The following SLC25A26 variants were observed in gnomAD, a reference collection of about 807,000 sequenced individuals.
SLC25A26 encodes mitochondrial S-adenosylmethionine carrier protein.
A neutral mutation model predicts 37.8 loss-of-function variants in SLC25A26; 36 were observed. The ratio of observed to expected loss-of-function variants is 0.95; its 90% CI spans 0.73 to 1.26. SLC25A26 has a LOEUF of 1.26. SLC25A26 is among the 50% of genes most tolerant of loss of function. The pLI is 0.00. For missense variants in SLC25A26, 390 were observed against 331.1 expected, an observed-to-expected ratio of 1.18 and a Z score of -1.38; for synonymous variants, 129 against 122.5, an observed-to-expected ratio of 1.05 and a Z score of -0.35.
intron 1 of SLC25A26, among the ~76,000 whole-genome samples, chr3:66,134,867 G>A (rs1391831877): frequency 4.0e-5 from 6 of 148,426 alleles, no homozygotes; most frequent in Non-Finnish European, 8.9e-5. Context: ...TTTTGTTCTT[G>A]TCACCCAGGC....
chr3:66,373,980 C>T lies in SLC25A26; in HGVS notation c.707+3378C>T, dbSNP rs919146142. Among the ~76,000 whole-genome samples, 5 of 150,830 alleles carry T rather than the reference C, an allele frequency of 3.3e-5. No individual in the cohort carries two copies. The East Asian group carries it at 7.7e-4, about 23-fold the overall frequency. On this transcript the variant is annotated intron_variant, in intron 9 of 9. Coordinates refer to ENST00000354883, the MANE Select transcript of SLC25A26 (RefSeq NM_001379210.1). Reference sequence around the variant, plus strand: ...GACCGTCTTCCTGCCATGTTTCTCTCCAGGCCACCAGCTTGCTTGTCATGG... The same window carrying T: ...GACCGTCTTCCTGCCATGTTTCTCTTCAGGCCACCAGCTTGCTTGTCATGG...
chr3:66,343,909 G>C (rs570934586), intron 5 of SLC25A26, among the ~76,000 whole-genome samples: 21 of 152,298 alleles, frequency 1.4e-4, no homozygotes, highest in African/African-American at 5.1e-4. Flanking sequence ...GATAATGTCA[G>C]ATGCTTTTAT....
intron 1 of SLC25A26, among the ~76,000 whole-genome samples, chr3:66,225,803 G>A (rs996526629): frequency 7.9e-5 from 12 of 152,110 alleles, no homozygotes; most frequent in Non-Finnish European, 1.5e-4. Context: ...AGATCTCTAG[G>A]GCAGGGGCAA....
At chr3:66,292,508 C>T (rs2074747553) in intron 5 of SLC25A26, among the ~76,000 whole-genome samples, 1 of 152,138 alleles carries the variant, frequency 6.6e-6, no homozygotes, top group African/African-American at 2.4e-5. Context: ...GACAAAGTCT[C>T]TCAGCATTTG....
rs540069811 is a variant in SLC25A26 at position 66,370,609 on chromosome 3, C to T, written c.707+7C>T. 31 of 1,611,494 alleles carry T rather than the reference C, an allele frequency of 1.9e-5. No individual in the cohort carries two copies. Among genetic ancestry groups the T allele is most frequent in the South Asian group, 1.7e-4 (15 of 90,782 alleles). ...GGTCACAGGGGCTGGCAGGGTAAGA[C>T]GAGGAATGCCCTCCTTCCTTTCTTC... On this transcript the variant is annotated splice_region_variant and intron_variant, in intron 9 of 9. Coordinates refer to ENST00000354883, the MANE Select transcript of SLC25A26 (RefSeq NM_001379210.1).
At position 66,134,395 on chromosome 3, in the gene SLC25A26, C is replaced by T. The variant is rs756398835; in HGVS notation, c.-354+411C>T. Among the ~76,000 whole-genome samples the T allele has an allele frequency of 5.0e-4, 76 of 152,088 alleles. 3 individuals carry two copies. The highest frequency in any genetic ancestry group is 3.5e-4 in the Non-Finnish European group (24 of 68,020). On this transcript the variant is annotated intron_variant, in intron 1 of 10. Coordinates refer to the SLC25A26 transcript ENST00000676754. ...CTGAGGGCTTGGGTGGTATAAATGG[C>T]GAAGAGAGAATCATTGAGTTGTGTG...
intron 5 of SLC25A26, among the ~76,000 whole-genome samples, chr3:66,265,994 C>T (rs573206897): frequency 3.3e-5 from 5 of 152,148 alleles, no homozygotes; most frequent in Admixed American, 6.5e-5. Context: ...AACACATGGT[C>T]GCAACTGCTT....
chr3:66,280,659 C>T (rs2074305824), intron 5 of SLC25A26, among the ~76,000 whole-genome samples: 1 of 152,090 alleles, frequency 6.6e-6, no homozygotes, highest in African/African-American at 2.4e-5. Flanking sequence ...CATAGTAACA[C>T]CACCTTTTTC....
intron 5 of SLC25A26, among the ~76,000 whole-genome samples, chr3:66,320,134 GT>G (rs1170165416): frequency 6.6e-6 from 1 of 152,016 alleles, no homozygotes; most frequent in Middle Eastern, 3.2e-3. Flanking sequence ...AAAATTTGCC[GT>G]TTTTTAACAA....
At chr3:66,294,973 A>G (rs574259399) in intron 5 of SLC25A26, among the ~76,000 whole-genome samples, 20 of 152,352 alleles carry the variant, frequency 1.3e-4, no homozygotes, top group African/African-American at 3.6e-4. Context: ...CTTCTTATCA[A>G]AAACACTTTA....
At chr3:66,139,027 C>T (rs1402508972) in intron 1 of SLC25A26, among the ~76,000 whole-genome samples, 1 of 151,924 alleles carries the variant, frequency 6.6e-6, no homozygotes, top group Non-Finnish European at 1.5e-5. Flanking sequence ...CTGCCCCACC[C>T]CTCCTGTCCT....
chr3:66,353,574 A>T (rs1183807582), intron 6 of SLC25A26, among the ~76,000 whole-genome samples: 1 of 152,238 alleles, frequency 6.6e-6, no homozygotes, highest in African/African-American at 2.4e-5. Flanking sequence ...TCAAAAGTTG[A>T]TAAAAAGTTG....
chr3:66,353,369 T>G (rs1285968914), intron 6 of SLC25A26, among the ~76,000 whole-genome samples: 1 of 152,172 alleles, frequency 6.6e-6, no homozygotes. Context: ...GCTGGCCTGG[T>G]CTTTGTTCTG....
chr3:66,147,178 T>G (rs2070131929), intron 1 of SLC25A26, among the ~76,000 whole-genome samples: 1 of 146,618 alleles, frequency 6.8e-6, no homozygotes. Flanking sequence ...CTTTTCTTTT[T>G]TTCAGAACAG....
intron 6 of SLC25A26, among the ~76,000 whole-genome samples, chr3:66,349,742 G>T (rs1005897064): frequency 3.3e-5 from 5 of 152,154 alleles, no homozygotes; most frequent in Non-Finnish European, 7.4e-5. Flanking sequence ...GGGTCATACA[G>T]AAGGTGTATG....
intron 5 of SLC25A26, among the ~76,000 whole-genome samples, chr3:66,325,434 C>A (rs1317092271): frequency 6.6e-6 from 1 of 152,194 alleles, no homozygotes; most frequent in Non-Finnish European, 1.5e-5. Flanking sequence ...GTGGGCCTTG[C>A]TTTTGCCTCT....
At chr3:66,374,305 T>A (rs1449705485) in intron 9 of SLC25A26, among the ~76,000 whole-genome samples, 4 of 152,256 alleles carry the variant, frequency 2.6e-5, no homozygotes, top group Non-Finnish European at 5.9e-5. Context: ...AATTCTCACC[T>A]GTCAAATATT....
intron 1 of SLC25A26, among the ~76,000 whole-genome samples, chr3:66,148,855 G>A (rs1024171923): frequency 7.2e-5 from 11 of 152,158 alleles, no homozygotes; most frequent in Non-Finnish European, 5.9e-5. Flanking sequence ...ACTGTGCCTG[G>A]ACAAAATAAA....
chr3:66,314,753 T>C (rs1014803311), intron 5 of SLC25A26, among the ~76,000 whole-genome samples: 5 of 142,630 alleles, frequency 3.5e-5, no homozygotes, highest in Admixed American at 1.4e-4. Context: ...GGTTCTGGGC[T>C]TTTTTTTGTT....
Sources: gnomAD v4.1 joint callset for allele counts (sites outside exome capture counted in the v4.1 genomes callset) on GRCh38, gnomAD v4.1.1 for gene constraint, MANE v1.5 for transcripts, NCBI Gene and HGNC (gene_info 2026-07-23, HGNC 2026-07-21) for gene names.